GNAQ: variants seen among roughly 807,000 people sequenced by gnomAD.
The protein encoded by GNAQ is G protein subunit alpha q.
Under a neutral mutation model 43.9 loss-of-function variants are expected in GNAQ, and 8 were observed. The ratio of observed to expected loss-of-function variants is 0.18; its 90% CI spans 0.11 to 0.33. The LOEUF is 0.33. Among genes scored for constraint, GNAQ ranks in the 10% least tolerant of loss-of-function variants. GNAQ has a pLI of 1.00. For synonymous variants in GNAQ, 155 were observed against 170.7 expected, an observed-to-expected ratio of 0.91 and a Z score of 0.71; for missense variants, 158 against 450.8, an observed-to-expected ratio of 0.35 and a Z score of 5.88.
intron 6 of GNAQ, among the ~76,000 whole-genome samples, chr9:77,723,144 A>G (rs1290121515): frequency 2.0e-5 from 3 of 152,266 alleles, no homozygotes; most frequent in Non-Finnish European, 4.4e-5. Flanking sequence ...CAATAAGCAC[A>G]GGAAAAGATG....
At chr9:77,727,319 CAT>C (rs1255179974) in intron 6 of GNAQ, among the ~76,000 whole-genome samples, 1 of 152,086 alleles carries the variant, frequency 6.6e-6, no homozygotes, top group African/African-American at 2.4e-5. Context: ...CACCTGGCCA[CAT>C]AGACTCTTAT....
intron 1 of GNAQ, among the ~76,000 whole-genome samples, chr9:78,022,262 G>C (rs911546869): frequency 1.3e-5 from 2 of 152,208 alleles, no homozygotes. Context: ...TGGGCAGAAA[G>C]TGGCCGAGAC....
In GNAQ at chr9:77,948,219, G is replaced by A. The variant is rs938715170; in HGVS notation, c.137-25874C>T. ...TAGTATAAACAATTAACAAAATAGT[G>A]CCTATATTAAATCCTCAGAGGGCCT... On this transcript the variant is annotated intron_variant, in intron 1 of 6. Transcript: ENST00000286548. 7.9e-5 allele frequency among the ~76,000 whole-genome samples: 12 copies of A among 152,174 alleles called. No homozygotes were observed. In the South Asian group the frequency reaches 2.5e-3, roughly 32 times the overall value.
At chr9:78,000,824 A>G (rs1823634408) in intron 1 of GNAQ, among the ~76,000 whole-genome samples, 1 of 152,220 alleles carries the variant, frequency 6.6e-6, no homozygotes, top group South Asian at 2.1e-4. Flanking sequence ...CTTAAATGGC[A>G]CATCCAAAAA....
At chr9:77,818,481 A>G (rs1827057178) in intron 2 of GNAQ, among the ~76,000 whole-genome samples, 1 of 151,948 alleles carries the variant, frequency 6.6e-6, no homozygotes, top group Non-Finnish European at 1.5e-5. Flanking sequence ...ATGTGGAAAC[A>G]ATATTTTCTA....
At chr9:77,993,987 C>G (rs1487599436) in intron 1 of GNAQ, among the ~76,000 whole-genome samples, 2 of 151,884 alleles carry the variant, frequency 1.3e-5, no homozygotes, top group Non-Finnish European at 2.9e-5. Context: ...CTTTGTAAAC[C>G]CAAATATATT....
At chr9:77,813,216 C>A (rs1439029739) in intron 3 of GNAQ, among the ~76,000 whole-genome samples, 1 of 152,202 alleles carries the variant, frequency 6.6e-6, no homozygotes, top group Non-Finnish European at 1.5e-5. Flanking sequence ...CCATACCTGG[C>A]CCACATATAT....
chr9:78,031,070 A>G (rs2118631906), intron 1 of GNAQ, 30 bp downstream of exon 1: 2 of 1,401,986 alleles, frequency 1.4e-6, no homozygotes, highest in Non-Finnish European at 9.4e-7. Flanking sequence ...GGGGGCGCAG[A>G]GGCCCGGCGG....
At chr9:77,802,463 T>C (rs1826759922) in intron 3 of GNAQ, among the ~76,000 whole-genome samples, 1 of 152,108 alleles carries the variant, frequency 6.6e-6, no homozygotes, top group Admixed American at 6.6e-5. Flanking sequence ...TGAATTGTAC[T>C]TTCCATTGAA....
At position 77,723,992 on chromosome 9, in the gene GNAQ, A is replaced by G. The variant is rs151124844; in HGVS notation, c.890-2479T>C. Among the ~76,000 whole-genome samples, 1,115 of 152,338 alleles carry G rather than the reference A, an allele frequency of 7.3e-3. 24 individuals are homozygous for G. Among genetic ancestry groups the G allele is most frequent in the African/African-American group, 0.026 (1,061 of 41,580 alleles). On this transcript the variant is annotated intron_variant, in intron 6 of 6. Transcript: ENST00000286548. ...TTTAAATAAGTGAATTACATGGTATATAAATAATCTCAATAAAGCTGTTTT... is the reference window on the plus strand; with the variant it reads ...TTTAAATAAGTGAATTACATGGTATGTAAATAATCTCAATAAAGCTGTTTT...
At chr9:78,024,831 T>C (rs957321634) in intron 1 of GNAQ, among the ~76,000 whole-genome samples, 3 of 151,954 alleles carry the variant, frequency 2.0e-5, no homozygotes, top group African/African-American at 7.3e-5. Context: ...TCTTAAGTTA[T>C]GCCTGGTTAA....
At chr9:78,005,786 C>T (rs1036180307) in intron 1 of GNAQ, among the ~76,000 whole-genome samples, 1 of 152,160 alleles carries the variant, frequency 6.6e-6, no homozygotes, top group Non-Finnish European at 1.5e-5. Flanking sequence ...GGCATCCCCA[C>T]GACTACTCCC....
chr9:77,937,752 C>T (rs1554727120), intron 1 of GNAQ, among the ~76,000 whole-genome samples: 1 of 149,426 alleles, frequency 6.7e-6, no homozygotes, highest in Non-Finnish European at 1.5e-5. Flanking sequence ...ATCAGCCAGG[C>T]GTGGTGGGGC....
intron 2 of GNAQ, among the ~76,000 whole-genome samples, chr9:77,843,932 T>G (rs557224295): frequency 3.3e-4 from 51 of 152,262 alleles, no homozygotes; most frequent in South Asian, 2.7e-3. Flanking sequence ...CATTATCATA[T>G]CAGGTCCTTA....
intron 2 of GNAQ, among the ~76,000 whole-genome samples, chr9:77,840,190 A>G (rs1391572315): frequency 1.3e-5 from 2 of 152,194 alleles, no homozygotes; most frequent in African/African-American, 2.4e-5. Flanking sequence ...TTCTCTAAAG[A>G]TACAGTCTGG....
intron 1 of GNAQ, among the ~76,000 whole-genome samples, chr9:77,985,588 A>G (rs1288358619): frequency 6.6e-6 from 1 of 151,938 alleles, no homozygotes; most frequent in Non-Finnish European, 1.5e-5. Context: ...TAATTTTTCT[A>G]TTTTTATTTT....
At chr9:77,863,844 T>C (rs1304263579) in intron 2 of GNAQ, among the ~76,000 whole-genome samples, 1 of 152,102 alleles carries the variant, frequency 6.6e-6, no homozygotes, top group Non-Finnish European at 1.5e-5. Flanking sequence ...TCATCAGATC[T>C]CATGAGACTT....
intron 1 of GNAQ, among the ~76,000 whole-genome samples, chr9:77,970,828 CA>C (rs199692899): frequency 2.0e-5 from 3 of 151,464 alleles, no homozygotes; most frequent in African/African-American, 7.3e-5. Flanking sequence ...AAAAACCTTT[CA>C]AAAAAAATCA....
intron 2 of GNAQ, among the ~76,000 whole-genome samples, chr9:77,833,943 T>A (rs1827341415): frequency 6.6e-6 from 1 of 152,226 alleles, no homozygotes; most frequent in Admixed American, 6.5e-5. Flanking sequence ...CACAGTCTGA[T>A]AAAATTAAAA....
Sources: gnomAD v4.1 joint callset for allele counts (sites outside exome capture counted in the v4.1 genomes callset) on GRCh38, gnomAD v4.1.1 for gene constraint, MANE v1.5 for transcripts, NCBI Gene and HGNC (gene_info 2026-07-23, HGNC 2026-07-21) for gene names.